Variants in LSAMP observed in about 807,000 individuals in gnomAD.
LSAMP encodes the protein limbic system associated membrane protein.
In LSAMP, 7 loss-of-function variants were observed where a neutral mutation model predicts 38.6. That is an observed-to-expected ratio of 0.18 (90% CI 0.10 to 0.34). The LOEUF (loss-of-function observed/expected upper bound fraction) is 0.34, where lower values mean the gene tolerates loss of function less well. Ranked by LOEUF, LSAMP falls within the 10% of genes least tolerant of loss-of-function variation. The probability of loss-of-function intolerance (pLI) is 1.00; values close to 1 mark genes in which losing one functional copy is unlikely to be tolerated. For synonymous variants in LSAMP, 154 were observed against 166.8 expected (o/e 0.92, Z 0.59); for missense variants, 313 against 420.0 (o/e 0.75, Z 2.23).
At chr3:116,343,834 A>G (rs2048029174) in intron 1 of LSAMP, among the ~76,000 whole-genome samples, 2 of 152,066 alleles carry the variant, frequency 1.3e-5, no homozygotes, top group Admixed American at 6.6e-5. Context: ...CATTTCAACT[A>G]TGTCCAGATA....
chr3:115,969,163 G>T (rs138301433), intron 3 of LSAMP, among the ~76,000 whole-genome samples: 1 of 152,206 alleles, frequency 6.6e-6, no homozygotes, highest in Non-Finnish European at 1.5e-5. Flanking sequence ...TCATCTGATT[G>T]TTGGTTCTTA....
intron 1 of LSAMP, among the ~76,000 whole-genome samples, chr3:116,096,105 TA>T (rs753203779): frequency 5.1e-4 from 77 of 152,290 alleles, no homozygotes; most frequent in Admixed American, 1.4e-3. Flanking sequence ...AAAAGGGTTT[TA>T]AAAAAACATA....
chr3:116,356,498 C>A (rs1400499901), intron 1 of LSAMP, among the ~76,000 whole-genome samples: 2 of 152,070 alleles, frequency 1.3e-5, no homozygotes, highest in African/African-American at 4.8e-5. Flanking sequence ...TAGTTATATA[C>A]AATGAATAAG....
rs1161460100 is a variant in LSAMP, at chr3:116,074,844, C to CTTTTTTTTTTTTT, written c.388+11467_388+11479dup. ...AAAGTTTAGTCATATTTTCTTTATTCTTTTTTTTTTTTTTTTTGAGATGAG... is the reference window on the plus strand; with the variant it reads ...AAAGTTTAGTCATATTTTCTTTATTCTTTTTTTTTTTTTTTTTTTTTTTTTTTTTTGAGATGAG... On this transcript the variant is annotated intron_variant, in intron 2 of 6. Transcript: ENST00000490035. Among the ~76,000 whole-genome samples the CTTTTTTTTTTTTT allele has an allele frequency of 1.1e-3, 142 of 128,340 alleles. 5 individuals are homozygous for CTTTTTTTTTTTTT. The highest frequency in any genetic ancestry group is 4.1e-3 in the African/African-American group (133 of 32,328). The allele number at this position is 128,340 out of a possible 152,430, so 84.2% of individuals were successfully genotyped here.
rs545844641 is a variant in LSAMP, at chr3:115,983,782, C to G, written c.514+35733G>C. Among the ~76,000 whole-genome samples the G allele has an allele frequency of 2.0e-5, 3 of 152,126 alleles. No individual in the cohort carries two copies. The East Asian group carries it at 5.8e-4, about 29-fold the overall frequency. On this transcript the variant is annotated intron_variant, in intron 3 of 6. Coordinates refer to ENST00000490035, the MANE Select transcript of LSAMP (RefSeq NM_002338.5). ...CACAGATGATTAACACGATATGGCT[C>G]CTTACACTGGGGCCTGCAGAAAGGA... is the stretch of plus-strand genomic sequence containing the variant.
intron 1 of LSAMP, among the ~76,000 whole-genome samples, chr3:116,115,703 G>A (rs772557109): frequency 4.0e-5 from 6 of 148,194 alleles, no homozygotes; most frequent in African/African-American, 1.5e-4. Flanking sequence ...TTGTTGAGTC[G>A]AGAACCCTAA....
chr3:115,821,798 CAG>C (rs1424061950), intron 6 of LSAMP, among the ~76,000 whole-genome samples: 4 of 152,104 alleles, frequency 2.6e-5, no homozygotes, highest in Non-Finnish European at 4.4e-5. Flanking sequence ...ATAAAAGAAA[CAG>C]AGGAGGAGAT....
At chr3:116,162,686 C>A (rs1052336369) in intron 1 of LSAMP, among the ~76,000 whole-genome samples, 1 of 149,114 alleles carries the variant, frequency 6.7e-6, no homozygotes, top group African/African-American at 2.5e-5. Flanking sequence ...TTCTCTCTCT[C>A]TCTCTCTCTA....
chr3:116,071,053 TAATAAATAAATAAATAAATAAATA>T (rs369537377), intron 2 of LSAMP, among the ~76,000 whole-genome samples: 2 of 138,844 alleles, frequency 1.4e-5, no homozygotes, highest in African/African-American at 2.8e-5. Flanking sequence ...AATAAATAAA[TAATAAATAAATAAATAAATAAATA>T]AATAAATAAA....
chr3:116,153,583 T>C (rs1478972500), intron 1 of LSAMP, among the ~76,000 whole-genome samples: 2 of 152,144 alleles, frequency 1.3e-5, no homozygotes, highest in African/African-American at 4.8e-5. Context: ...CTCATATTAT[T>C]TAAAGAAGAA....
intron 3 of LSAMP, among the ~76,000 whole-genome samples, chr3:115,977,729 CAA>C (rs56833385): frequency 1.7e-4 from 22 of 129,736 alleles, no homozygotes; most frequent in African/African-American, 1.9e-4. Flanking sequence ...AACAGAACAC[CAA>C]AAAAAAAAAA....
At chr3:116,317,329 T>C (rs1272549285) in intron 1 of LSAMP, among the ~76,000 whole-genome samples, 1 of 151,444 alleles carries the variant, frequency 6.6e-6, no homozygotes, top group Admixed American at 6.6e-5. Context: ...CCGGACACAA[T>C]ACAAAGAGAG....
At chr3:116,411,027 G>A (rs1007852177) in intron 1 of LSAMP, among the ~76,000 whole-genome samples, 16 of 152,054 alleles carry the variant, frequency 1.1e-4, no homozygotes, top group Non-Finnish European at 1.2e-4. Flanking sequence ...GAGGTGGGAC[G>A]CTCACCAGCA....
chr3:115,908,844 C>G (rs921652294), intron 3 of LSAMP, among the ~76,000 whole-genome samples: 1 of 152,138 alleles, frequency 6.6e-6, no homozygotes, highest in Non-Finnish European at 1.5e-5. Flanking sequence ...GTCGTCATCT[C>G]CAACCTGTCT....
chr3:116,261,954 G>T (rs2046832278), intron 1 of LSAMP, among the ~76,000 whole-genome samples: 1 of 150,758 alleles, frequency 6.6e-6, no homozygotes, highest in South Asian at 2.1e-4. Flanking sequence ...CTAAATTAAA[G>T]TAAGAGACCA....
rs561494914 is a variant in LSAMP, at chr3:115,847,132, G to C, written c.650-4554C>G. ...TATCATGGATAAAGAAAGGACTTTG[G>C]AGTTAGACCTGGGTTTGAGTTCCAA... On this transcript the variant is annotated intron_variant, in intron 4 of 6. Coordinates refer to ENST00000490035, the MANE Select transcript of LSAMP (RefSeq NM_002338.5). Among the ~76,000 whole-genome samples, 44 of 152,198 alleles carry C rather than the reference G, an allele frequency of 2.9e-4. No homozygotes were observed. The South Asian group carries it at 8.5e-3, about 29-fold the overall frequency.
At chr3:116,323,960 G>GT (rs779078144) in intron 1 of LSAMP, among the ~76,000 whole-genome samples, 4 of 152,094 alleles carry the variant, frequency 2.6e-5, no homozygotes, top group African/African-American at 4.8e-5. Flanking sequence ...TGCCTTTTGG[G>GT]TTGAGACATT....
intron 1 of LSAMP, among the ~76,000 whole-genome samples, chr3:116,237,524 C>T (rs1304133509): frequency 6.6e-6 from 1 of 152,120 alleles, no homozygotes; most frequent in Non-Finnish European, 1.5e-5. Context: ...AATACTTAAG[C>T]TTCATGCATA....
intron 1 of LSAMP, among the ~76,000 whole-genome samples, chr3:116,442,390 T>G (rs1457687668): frequency 6.6e-6 from 1 of 152,172 alleles, no homozygotes; most frequent in Non-Finnish European, 1.5e-5. Context: ...TGGCTTCCAA[T>G]GAATCAAGTT....
Sources: allele counts gnomAD v4.1 joint callset (sites outside exome capture counted in the v4.1 genomes callset), GRCh38; gene constraint gnomAD v4.1.1; transcripts MANE v1.5; gene names NCBI Gene and HGNC (gene_info 2026-07-23, HGNC 2026-07-21).